Variants in SIPA1L2 observed in about 807,000 individuals in gnomAD.
SIPA1L2 encodes signal induced proliferation associated 1 like 2.
A neutral mutation model predicts 163.9 loss-of-function variants in SIPA1L2; 56 were observed. The ratio of observed to expected loss-of-function variants is 0.34; its 90% CI spans 0.28 to 0.43. SIPA1L2 has a LOEUF of 0.43. SIPA1L2 is among the 20% of genes least tolerant of loss of function. SIPA1L2 has a pLI of 1.00. For missense variants in SIPA1L2, 1,974 were observed against 2,193.5 expected (o/e 0.90, Z 2.00); for synonymous variants, 877 against 865.7 (o/e 1.01, Z -0.23).
intron 1 of SIPA1L2, among the ~76,000 whole-genome samples, chr1:232,605,661 T>C (rs973954668): frequency 9.1e-4 from 139 of 152,096 alleles, no homozygotes; most frequent in African/African-American, 3.2e-3. Context: ...GCCACTGCAC[T>C]CCAGCCTGGG....
rs185387542 is a variant in SIPA1L2, at chr1:232,573,202, C to T, written c.-270+972G>A. ...AGGGACACAGCAACTAAATGCAGCGCCTGACCCTAGAGGGACCCTATATGG... is the reference window on the plus strand; with the variant it reads ...AGGGACACAGCAACTAAATGCAGCGTCTGACCCTAGAGGGACCCTATATGG... On this transcript the variant is annotated intron_variant, in intron 2 of 22. Coordinates refer to ENST00000674635, the MANE Select transcript of SIPA1L2 (RefSeq NM_020808.5). Among the ~76,000 whole-genome samples, 3 of 152,258 alleles carry T rather than the reference C, an allele frequency of 2.0e-5. 1 individual carries two copies. The highest frequency in any genetic ancestry group is 2.0e-4 in the Admixed American group (3 of 15,304).
At chr1:232,438,676 G>A (rs1158256162) in intron 15 of SIPA1L2, among the ~76,000 whole-genome samples, 1 of 152,216 alleles carries the variant, frequency 6.6e-6, no homozygotes, top group East Asian at 1.9e-4. Flanking sequence ...GTAGGAACAG[G>A]GAGGAAGTGT....
intron 10 of SIPA1L2, among the ~76,000 whole-genome samples, chr1:232,455,464 G>T (rs1163086297): frequency 6.6e-6 from 1 of 152,070 alleles, no homozygotes; most frequent in African/African-American, 2.4e-5. Flanking sequence ...GGAGGATCAC[G>T]AGGTCAGGAG....
At chr1:232,541,495 C>G (rs1015826356) in intron 2 of SIPA1L2, among the ~76,000 whole-genome samples, 11 of 152,054 alleles carry the variant, frequency 7.2e-5, no homozygotes, top group Non-Finnish European at 1.3e-4. Flanking sequence ...TTTGATGAAC[C>G]AGATAGATAA....
chr1:232,527,264 T>G (rs1318550465), intron 2 of SIPA1L2, among the ~76,000 whole-genome samples: 1 of 152,220 alleles, frequency 6.6e-6, no homozygotes, highest in Non-Finnish European at 1.5e-5. Context: ...TTGTCTGGTT[T>G]GACTCATAAT....
chr1:232,480,959 A>C (rs1233497673), intron 6 of SIPA1L2, among the ~76,000 whole-genome samples: 1 of 152,202 alleles, frequency 6.6e-6, no homozygotes, highest in Non-Finnish European at 1.5e-5. Flanking sequence ...CTCTTTAGAA[A>C]AAATATCCTA....
At chr1:232,443,734 G>T in intron 11 of SIPA1L2, 49 bp from the exon 12 acceptor site, 1 of 1,506,060 alleles carries the variant, frequency 6.6e-7, no homozygotes, top group Non-Finnish European at 9.1e-7. Context: ...TATCTGCCAA[G>T]CCCCTTGACC....
intron 1 of SIPA1L2, among the ~76,000 whole-genome samples, chr1:232,604,880 T>C (rs989125508): frequency 1.3e-5 from 2 of 152,164 alleles, no homozygotes; most frequent in Admixed American, 1.3e-4. Flanking sequence ...GCCATGATTA[T>C]AAGTTTCCTG....
intron 10 of SIPA1L2, among the ~76,000 whole-genome samples, chr1:232,457,543 C>T (rs369725720): frequency 2.6e-5 from 4 of 152,230 alleles, no homozygotes; most frequent in South Asian, 2.1e-4. Context: ...CTCACAAGCA[C>T]GAAGAGTCCA....
chr1:232,435,679 G>A (rs1407814164), intron 15 of SIPA1L2, among the ~76,000 whole-genome samples: 4 of 152,132 alleles, frequency 2.6e-5, no homozygotes, highest in African/African-American at 9.7e-5. Flanking sequence ...AGTTAGGTTA[G>A]CATAAATACT....
In SIPA1L2 at chr1:232,514,637, G is replaced by T; in HGVS notation, c.703C>A (p.Arg235Ser). Residue 235 changes from arginine (R) to serine (S), a missense_variant, in exon 3 of 23, where the codon CGC becomes AGC. This residue lies in a region of SIPA1L2 where 607 missense variants were observed against 624.0 expected (regional missense o/e 0.97). Coordinates refer to ENST00000674635, the MANE Select transcript of SIPA1L2 (RefSeq NM_020808.5). The part of the protein sequence containing the change: ...MVPFGFPEFF[R>S]CDPAISPSLH... ...CTCGGAGAGATTGCAGGGTCACAGC[G>T]GAAAAATTCAGGGAACCCAAAAGGG... is the stretch of plus-strand genomic sequence containing the variant. 6.2e-7 allele frequency: 1 copy of T among 1,614,160 alleles called. No individual in the cohort carries two copies. Among genetic ancestry groups the T allele is most frequent in the South Asian group, 1.1e-5 (1 of 91,084 alleles).
chr1:232,441,723 G>T, intron 13 of SIPA1L2, 45 bp downstream of exon 13: 1 of 1,503,040 alleles, frequency 6.7e-7, no homozygotes, highest in Non-Finnish European at 9.2e-7. Context: ...CAGAGAGGGG[G>T]AAAGGGGGAG....
At chr1:232,411,676 G>A (rs1034744143) in intron 19 of SIPA1L2, among the ~76,000 whole-genome samples, 3 of 150,882 alleles carry the variant, frequency 2.0e-5, no homozygotes. Flanking sequence ...GTACAGTTAA[G>A]TTAGTTAATT....
At chr1:232,440,055 T>C (rs1288962675) in intron 14 of SIPA1L2, among the ~76,000 whole-genome samples, 2 of 152,172 alleles carry the variant, frequency 1.3e-5, no homozygotes, top group African/African-American at 4.8e-5. Context: ...AAGTACACGG[T>C]AAACACGAAG....
intron 2 of SIPA1L2, among the ~76,000 whole-genome samples, chr1:232,522,276 C>T (rs1264633438): frequency 6.6e-6 from 1 of 152,126 alleles, no homozygotes; most frequent in Non-Finnish European, 1.5e-5. Flanking sequence ...GAGTTCCAGC[C>T]CCTTGTGCAG....
intron 8 of SIPA1L2, among the ~76,000 whole-genome samples, chr1:232,466,035 C>T (rs1664495498): frequency 6.6e-6 from 1 of 152,084 alleles, no homozygotes; most frequent in Non-Finnish European, 1.5e-5. Flanking sequence ...AGCCACCTAG[C>T]CTGTGGCATT....
chr1:232,569,655 A>C (rs1194793517), intron 2 of SIPA1L2, among the ~76,000 whole-genome samples: 1 of 152,192 alleles, frequency 6.6e-6, no homozygotes, highest in African/African-American at 2.4e-5. Flanking sequence ...TCTACTAAAA[A>C]TACAAAAATT....
chr1:232,525,254 G>C (rs1375879088), intron 2 of SIPA1L2, among the ~76,000 whole-genome samples: 2 of 36,672 alleles, frequency 5.5e-5, no homozygotes, highest in Non-Finnish European at 1.1e-4. Flanking sequence ...TTTTTTTTTG[G>C]AGACGGAGTC....
intron 5 of SIPA1L2, among the ~76,000 whole-genome samples, chr1:232,487,503 C>T (rs1665702161): frequency 6.6e-6 from 1 of 152,108 alleles, no homozygotes; most frequent in Non-Finnish European, 1.5e-5. Flanking sequence ...ATGAATAACT[C>T]TGTTAAGGAT....
Sources: allele counts gnomAD v4.1 joint callset (sites outside exome capture counted in the v4.1 genomes callset), GRCh38; gene constraint gnomAD v4.1.1; regional missense constraint gnomAD v4.1.1; transcripts MANE v1.5; gene names NCBI Gene and HGNC (gene_info 2026-07-23, HGNC 2026-07-21).